Variants in RBFOX1 observed in about 807,000 individuals in gnomAD.
RBFOX1 encodes the protein RNA binding protein fox-1 homolog 1.
A neutral mutation model predicts 57.7 loss-of-function variants in RBFOX1; 8 were observed. The observed-to-expected ratio is 0.14, with a 90% confidence interval of 0.08 to 0.25. RBFOX1 has a LOEUF of 0.25. Among genes scored for constraint, RBFOX1 ranks in the 10% least tolerant of loss-of-function variants. The pLI is 1.00. For synonymous variants in RBFOX1, 326 were observed against 222.4 expected, an observed-to-expected ratio of 1.47 and a Z score of -4.15; for missense variants, 611 against 548.5, an observed-to-expected ratio of 1.11 and a Z score of -1.14.
chr16:7,024,024 G>T lies in RBFOX1; in HGVS notation c.-15-28033G>T, dbSNP rs1161045179. On this transcript the variant is annotated intron_variant, in intron 3 of 15. Coordinates refer to ENST00000550418, the MANE Select transcript of RBFOX1 (RefSeq NM_018723.4). ...TTCTATATCCTCCTGATAACCGTAT[G>T]TTGAAAAAGGATTTAAGAGGAAGGT... 6.0e-3 allele frequency among the ~76,000 whole-genome samples: 915 copies of T among 152,218 alleles called. 10 individuals carry two copies. Among genetic ancestry groups the T allele is most frequent in the African/African-American group, 0.021 (877 of 41,546 alleles).
rs574362870 is a variant in RBFOX1, at chr16:7,492,776, C to T, written c.28-25371C>T. The stretch of plus-strand genomic sequence containing the variant: ...GTTGGCATCTTCCCCTTCACTCTCT[C>T]TTGCCCCGACTCTCACCATGTGACA... On this transcript the variant is annotated intron_variant, in intron 4 of 15. Coordinates refer to ENST00000550418, the MANE Select transcript of RBFOX1 (RefSeq NM_018723.4). Among the ~76,000 whole-genome samples, 8 of 152,248 alleles carry T rather than the reference C, an allele frequency of 5.3e-5. No individual in the cohort carries two copies. In the South Asian group the frequency reaches 1.7e-3, roughly 32 times the overall value.
At chr16:6,853,865 A>G (rs561928094) in intron 3 of RBFOX1, among the ~76,000 whole-genome samples, 95 of 152,120 alleles carry the variant, frequency 6.2e-4, no homozygotes, top group Non-Finnish European at 1.2e-3. Flanking sequence ...AGTATGGTAA[A>G]TGGTTAATAT....
chr16:7,475,809 A>C (rs2151060589), intron 4 of RBFOX1, among the ~76,000 whole-genome samples: 1 of 152,280 alleles, frequency 6.6e-6, no homozygotes, highest in East Asian at 1.9e-4. Flanking sequence ...CCTGAAAGTT[A>C]TTAATTTGAA....
chr16:5,828,223 C>T (rs2056142910), intron 3 of RBFOX1, among the ~76,000 whole-genome samples: 2 of 152,132 alleles, frequency 1.3e-5, no homozygotes, highest in Non-Finnish European at 2.9e-5. Context: ...ATTCATCTGT[C>T]CATTCAACCA....
chr16:6,301,618 G>A (rs1300120406), intron 1 of RBFOX1, among the ~76,000 whole-genome samples: 1 of 151,890 alleles, frequency 6.6e-6, no homozygotes, highest in East Asian at 1.9e-4. Context: ...GAGGTGTGTG[G>A]GAAATCTCTA....
chr16:7,438,139 G>A (rs1411328125), intron 4 of RBFOX1, among the ~76,000 whole-genome samples: 1 of 152,028 alleles, frequency 6.6e-6, no homozygotes, highest in Non-Finnish European at 1.5e-5. Flanking sequence ...TGGCAGGTGG[G>A]AATTTAAAAA....
chr16:7,689,328 G>C (rs2076826921), intron 14 of RBFOX1, among the ~76,000 whole-genome samples: 1 of 152,056 alleles, frequency 6.6e-6, no homozygotes, highest in African/African-American at 2.4e-5. Flanking sequence ...TAATCTTCCT[G>C]GGACAGGTGA....
chr16:5,663,395 G>C (rs1308688433), intron 3 of RBFOX1, among the ~76,000 whole-genome samples: 1 of 151,170 alleles, frequency 6.6e-6, no homozygotes, highest in African/African-American at 2.4e-5. Context: ...TTTAGAAATG[G>C]GGTCTCACTA....
intron 3 of RBFOX1, among the ~76,000 whole-genome samples, chr16:5,811,143 ATTTTTTT>A (rs374827330): frequency 1.2e-4 from 13 of 104,574 alleles, no homozygotes; most frequent in African/African-American, 3.9e-4. Context: ...TATGGAACAA[ATTTTTTT>A]TTTTTTTTTT....
chr16:5,320,882 AT>A (rs2064383527), intron 1 of RBFOX1, among the ~76,000 whole-genome samples: 1 of 152,144 alleles, frequency 6.6e-6, no homozygotes, highest in Admixed American at 6.5e-5. Flanking sequence ...CCACCATTAC[AT>A]TCTGTCTCCT....
At chr16:7,539,759 C>T (rs1423816333) in intron 5 of RBFOX1, among the ~76,000 whole-genome samples, 1 of 152,148 alleles carries the variant, frequency 6.6e-6, no homozygotes, top group Non-Finnish European at 1.5e-5. Context: ...CTTCTGCCCT[C>T]CCCAGTGAAC....
At chr16:7,660,791 C>A (rs1049150381) in intron 12 of RBFOX1, among the ~76,000 whole-genome samples, 4 of 152,190 alleles carry the variant, frequency 2.6e-5, no homozygotes, top group African/African-American at 9.6e-5. Context: ...GGGGCCCAGC[C>A]ATCTGTGTTT....
chr16:7,341,355 T>C (rs993613470), intron 4 of RBFOX1, among the ~76,000 whole-genome samples: 2 of 152,150 alleles, frequency 1.3e-5, no homozygotes, highest in Non-Finnish European at 2.9e-5. Context: ...TCCATGAAAC[T>C]CATTCATTTA....
At chr16:7,292,960 C>A (rs1037377963) in intron 4 of RBFOX1, among the ~76,000 whole-genome samples, 1 of 151,870 alleles carries the variant, frequency 6.6e-6, no homozygotes, top group Admixed American at 6.6e-5. Context: ...GGTGAGGATA[C>A]GAATTTGTTC....
intron 2 of RBFOX1, among the ~76,000 whole-genome samples, chr16:6,430,300 G>A (rs967416917): frequency 6.6e-6 from 1 of 152,104 alleles, no homozygotes; most frequent in Non-Finnish European, 1.5e-5. Flanking sequence ...CTCCTCTTGA[G>A]GAGCTCAGAA....
intron 2 of RBFOX1, among the ~76,000 whole-genome samples, chr16:6,391,837 G>A (rs1168354617): frequency 6.6e-6 from 1 of 152,180 alleles, no homozygotes; most frequent in Non-Finnish European, 1.5e-5. Flanking sequence ...TCACACTGAA[G>A]TAAGGGAAAA....
chr16:5,804,991 T>G (rs1413415834), intron 3 of RBFOX1, among the ~76,000 whole-genome samples: 2 of 152,084 alleles, frequency 1.3e-5, no homozygotes, highest in Non-Finnish European at 2.9e-5. Context: ...ATTTTGTAGA[T>G]GAAGTGCAAA....
intron 4 of RBFOX1, among the ~76,000 whole-genome samples, chr16:5,917,159 G>A (rs2058722098): frequency 6.6e-6 from 1 of 152,094 alleles, no homozygotes; most frequent in African/African-American, 2.4e-5. Flanking sequence ...CGCTTCCTAA[G>A]CACCACAGGA....
At chr16:7,607,512 A>T (rs765488128) in intron 10 of RBFOX1, among the ~76,000 whole-genome samples, 174 bp downstream of exon 10, 1 of 152,202 alleles carries the variant, frequency 6.6e-6, no homozygotes, top group Non-Finnish European at 1.5e-5. Context: ...TAAAAATTAC[A>T]AGGGAATCGT....
Sources: allele counts gnomAD v4.1 joint callset (sites outside exome capture counted in the v4.1 genomes callset), GRCh38; gene constraint gnomAD v4.1.1; transcripts MANE v1.5; gene names NCBI Gene and HGNC (gene_info 2026-07-23, HGNC 2026-07-21).